The following RIMS1 variants were observed in gnomAD, a reference collection of about 807,000 sequenced individuals.
RIMS1 encodes regulating synaptic membrane exocytosis 1.
RIMS1 carries 83 observed loss-of-function variants against 214.1 expected under a neutral mutation model. The observed-to-expected ratio is 0.39, with a 90% CI of 0.32 to 0.47. The LOEUF is 0.47. Ranked by LOEUF, RIMS1 falls within the 20% of genes least tolerant of loss-of-function variation. The pLI is 0.99. For synonymous variants in RIMS1, 793 were observed against 786.8 expected, an observed-to-expected ratio of 1.01 and a Z score of -0.13; for missense variants, 2,050 against 2,161.8, an observed-to-expected ratio of 0.95 and a Z score of 1.03.
chr6:71,964,885 G>C (rs555734982), intron 1 of RIMS1, among the ~76,000 whole-genome samples: 2 of 152,252 alleles, frequency 1.3e-5, no homozygotes, highest in Admixed American at 1.3e-4. Flanking sequence ...TGAATGGGGG[G>C]TGTAGAAGGA....
At chr6:72,097,981 ATTTCC>A (rs2032339280) in intron 3 of RIMS1, among the ~76,000 whole-genome samples, 1 of 152,168 alleles carries the variant, frequency 6.6e-6, no homozygotes, top group South Asian at 2.1e-4. Context: ...ATCTTGATAG[ATTTCC>A]TTGATAGAGA....
At chr6:72,031,568 G>T in intron 2 of RIMS1, among the ~76,000 whole-genome samples, 1 of 152,108 alleles carries the variant, frequency 6.6e-6, no homozygotes, top group East Asian at 1.9e-4. Context: ...AAATCCGGGG[G>T]AAATAGTTGG....
intron 23 of RIMS1, among the ~76,000 whole-genome samples, chr6:72,277,931 G>A (rs1300909702): frequency 1.3e-5 from 2 of 152,086 alleles, no homozygotes; most frequent in African/African-American, 4.8e-5. Context: ...TGAAGCATCA[G>A]AGTTCTGAGT....
intron 22 of RIMS1, among the ~76,000 whole-genome samples, chr6:72,266,991 A>G (rs1225269689): frequency 6.6e-6 from 1 of 152,040 alleles, no homozygotes; most frequent in Non-Finnish European, 1.5e-5. Context: ...TCATTTATTT[A>G]TGAGATATTT....
intron 1 of RIMS1, among the ~76,000 whole-genome samples, chr6:71,919,627 A>G (rs1188817790): frequency 1.3e-5 from 2 of 152,114 alleles, no homozygotes; most frequent in Admixed American, 6.6e-5. Context: ...AGAGAGAAGT[A>G]AATAATGTCA....
chr6:72,256,816 C>G (rs1490414811), intron 16 of RIMS1, among the ~76,000 whole-genome samples: 1 of 151,570 alleles, frequency 6.6e-6, no homozygotes, highest in Non-Finnish European at 1.5e-5. Flanking sequence ...ATCTGAATAA[C>G]AGACTTTTTA....
chr6:72,003,660 C>T (rs192126975), intron 2 of RIMS1, among the ~76,000 whole-genome samples: 11 of 151,690 alleles, frequency 7.3e-5, no homozygotes, highest in Admixed American at 2.0e-4. Context: ...TAAGAATTTA[C>T]GTAGACTCTC....
chr6:71,895,534 C>T (rs1275134297), intron 1 of RIMS1, among the ~76,000 whole-genome samples: 3 of 151,660 alleles, frequency 2.0e-5, no homozygotes, highest in Admixed American at 6.6e-5. Flanking sequence ...AATTAGCCGG[C>T]GTGGTGATGC....
At chr6:72,323,596 T>C (rs2096283178) in intron 28 of RIMS1, among the ~76,000 whole-genome samples, 3 of 151,760 alleles carry the variant, frequency 2.0e-5, no homozygotes, top group Admixed American at 2.0e-4. Context: ...TTGAACATGA[T>C]GAAAAATTCT....
At chr6:72,132,332 T>G (rs188801233) in intron 4 of RIMS1, among the ~76,000 whole-genome samples, 71 of 152,316 alleles carry the variant, frequency 4.7e-4, no homozygotes, top group African/African-American at 1.3e-3. Flanking sequence ...TCATGATATC[T>G]TCACAATCCA....
At chr6:71,983,404 A>AG (rs796421053) in intron 2 of RIMS1, among the ~76,000 whole-genome samples, 2 of 152,066 alleles carry the variant, frequency 1.3e-5, no homozygotes, top group African/African-American at 4.8e-5. Context: ...TAAGTTATAC[A>AG]GGGAAAGGCC....
intron 4 of RIMS1, among the ~76,000 whole-genome samples, chr6:72,143,190 A>G (rs929819145): frequency 1.3e-5 from 2 of 152,224 alleles, no homozygotes; most frequent in African/African-American, 4.8e-5. Context: ...TGTGATATTT[A>G]TCTCAAGACT....
At chr6:71,920,334 C>T (rs1457599624) in intron 1 of RIMS1, among the ~76,000 whole-genome samples, 1 of 152,138 alleles carries the variant, frequency 6.6e-6, no homozygotes, top group Non-Finnish European at 1.5e-5. Context: ...AGTCATATAG[C>T]ATGGTTGATT....
chr6:72,232,740 A>G (rs1248801431), intron 6 of RIMS1, among the ~76,000 whole-genome samples: 1 of 151,774 alleles, frequency 6.6e-6, no homozygotes, highest in African/African-American at 2.4e-5. Context: ...ATTGAAGTGT[A>G]TGGAATTGAA....
At chr6:72,350,778 A>G (rs2097420924) in intron 29 of RIMS1, among the ~76,000 whole-genome samples, 1 of 152,150 alleles carries the variant, frequency 6.6e-6, no homozygotes, top group African/African-American at 2.4e-5. Flanking sequence ...ACAGGCAAAG[A>G]GAGATTCTTT....
Position 71,912,468 on chromosome 6 carries a change from T to C in RIMS1, c.164+25281T>C, listed in dbSNP as rs1488321849. On this transcript the variant is annotated intron_variant, in intron 1 of 33. Coordinates refer to ENST00000521978, the MANE Select transcript of RIMS1 (RefSeq NM_014989.7). Reference sequence around the variant, plus strand: ...ATCTACCTTGTTATTGCTGTTATTATAACTGCTATTAAATTGTAATAGTTT... The same window carrying C: ...ATCTACCTTGTTATTGCTGTTATTACAACTGCTATTAAATTGTAATAGTTT... 3.9e-5 allele frequency among the ~76,000 whole-genome samples: 6 copies of C among 152,164 alleles called. No individual in the cohort carries two copies. The East Asian group carries it at 1.2e-3, about 29-fold the overall frequency.
intron 1 of RIMS1, among the ~76,000 whole-genome samples, chr6:71,938,971 C>A (rs994504629): frequency 1.3e-5 from 2 of 152,166 alleles, no homozygotes; most frequent in African/African-American, 4.8e-5. Flanking sequence ...TAAGTCATTT[C>A]TTTCCTCTCA....
At chr6:72,389,623 T>A (rs1374387545) in intron 29 of RIMS1, among the ~76,000 whole-genome samples, 1 of 152,200 alleles carries the variant, frequency 6.6e-6, no homozygotes, top group African/African-American at 2.4e-5. Flanking sequence ...TAGTTATGTA[T>A]GTAATTATGT....
rs12208581 is a variant in RIMS1 at position 72,014,142 on chromosome 6, G to T, written c.245+45079G>T. ...GAGGCCTCAGGAAACTTATAATCAT[G>T]GTGGAAAGGGAAGCAAACATGTCCT... On this transcript the variant is annotated intron_variant, in intron 2 of 33. Transcript: ENST00000521978. Among the ~76,000 whole-genome samples, 1,086 of 152,294 alleles carry T rather than the reference G, an allele frequency of 7.1e-3. 13 individuals are homozygous for T. The highest frequency in any genetic ancestry group is 0.028 in the South Asian group (136 of 4,824).
Sources: allele counts gnomAD v4.1 joint callset (sites outside exome capture counted in the v4.1 genomes callset), GRCh38; gene constraint gnomAD v4.1.1; transcripts MANE v1.5; gene names NCBI Gene and HGNC (gene_info 2026-07-23, HGNC 2026-07-21).